Variants in ACSM1 observed in about 807,000 individuals in gnomAD.
The protein encoded by ACSM1 is acyl-coenzyme A synthetase ACSM1, mitochondrial.
ACSM1 carries 79 observed loss-of-function variants against 75.8 expected under a neutral mutation model. The observed-to-expected ratio is 1.04, with a 90% CI of 0.87 to 1.26. The LOEUF is 1.26. Among genes scored for constraint, ACSM1 ranks in the 50% most tolerant of loss-of-function variants. The pLI is 0.00. For missense variants in ACSM1, 676 were observed against 720.1 expected (o/e 0.94, Z 0.70); for synonymous variants, 279 against 265.8 (o/e 1.05, Z -0.48).
intron 1 of ACSM1, among the ~76,000 whole-genome samples, chr16:20,694,519 G>A (rs2079679515): frequency 6.6e-6 from 1 of 152,118 alleles, no homozygotes; most frequent in South Asian, 2.1e-4. Flanking sequence ...GCTTAGTTTG[G>A]GTGAGAATAT....
At chr16:20,660,801 A>T (rs540245355) in intron 7 of ACSM1, among the ~76,000 whole-genome samples, 18 of 152,338 alleles carry the variant, frequency 1.2e-4, no homozygotes, top group African/African-American at 4.1e-4. Context: ...AATATCCATA[A>T]GTTTCAAAGA....
chr16:20,661,797 G>A lies in ACSM1; in HGVS notation c.989C>T (p.Thr330Ile). Residue 330 changes from threonine to isoleucine, a missense_variant, in exon 7 of 14, where the codon ACC becomes ATC. Coordinates refer to ENST00000520010, the MANE Select transcript of ACSM1 (RefSeq NM_001318890.3). ...TTACAAGCCACTTCTACCATACCTG[G>A]TGAAATCCTGCTGCAGAATCATTCG... is the stretch of plus-strand genomic sequence containing the variant. ...IYRMILQQDF[T>I]SIRFPALEHC... The A allele has an allele frequency of 6.2e-7, 1 of 1,606,988 alleles. No homozygotes were observed. Among genetic ancestry groups the A allele is most frequent in the East Asian group, 2.2e-5 (1 of 44,714 alleles).
chr16:20,640,628 C>T (rs761301535), intron 7 of ACSM1, 44 bp from the exon 8 acceptor site: 1 of 1,613,420 alleles, frequency 6.2e-7, no homozygotes, highest in Admixed American at 1.7e-5. Flanking sequence ...GCCACCCTGG[C>T]TCTGTGCATT....
At chr16:20,667,727 T>C (rs2019650057) in intron 6 of ACSM1, among the ~76,000 whole-genome samples, 1 of 152,244 alleles carries the variant, frequency 6.6e-6, no homozygotes, top group Admixed American at 6.5e-5. Flanking sequence ...CTATTCACAA[T>C]AGCAAAGACA....
At chr16:20,683,826 C>G (rs1464954788) in intron 3 of ACSM1, among the ~76,000 whole-genome samples, 1 of 151,924 alleles carries the variant, frequency 6.6e-6, no homozygotes, top group Non-Finnish European at 1.5e-5. Context: ...CCTCAGCCTC[C>G]CAAAGTGCTG....
At chr16:20,674,415 T>C in intron 4 of ACSM1, 1 of 199,262 alleles carries the variant, frequency 5.0e-6, no homozygotes, top group South Asian at 7.1e-5. Context: ...CTCACTTCTG[T>C]AATATGCTTC....
chr16:20,641,178 C>T (rs1028324503), intron 7 of ACSM1, among the ~76,000 whole-genome samples: 2 of 152,098 alleles, frequency 1.3e-5, no homozygotes, highest in Non-Finnish European at 2.9e-5. Context: ...ACAGAAAAGG[C>T]TGATGTGAAC....
At chr16:20,631,062 C>T (rs1333763285) in intron 10 of ACSM1, among the ~76,000 whole-genome samples, 1 of 152,190 alleles carries the variant, frequency 6.6e-6, no homozygotes, top group Non-Finnish European at 1.5e-5. Flanking sequence ...ACTGTCTTAG[C>T]CCATTCAGGC....
intron 4 of ACSM1, among the ~76,000 whole-genome samples, chr16:20,678,985 C>G (rs796227544): frequency 6.6e-6 from 1 of 152,056 alleles, no homozygotes; most frequent in South Asian, 2.1e-4. Flanking sequence ...TAAGTATGGC[C>G]ATGCAAAAAT....
intron 11 of ACSM1, 106 bp downstream of exon 11, chr16:20,627,083 G>T (rs1321813810): frequency 1.4e-6 from 2 of 1,413,972 alleles, no homozygotes; most frequent in Admixed American, 2.7e-5. Flanking sequence ...GCTCTATTCA[G>T]ATTTAGGCTG....
At chr16:20,631,686 TAA>T (rs1399199028) in intron 10 of ACSM1, among the ~76,000 whole-genome samples, 1 of 152,148 alleles carries the variant, frequency 6.6e-6, no homozygotes, top group Admixed American at 6.5e-5. Flanking sequence ...TATTAAGCCA[TAA>T]AAAGCTGTGA....
At chr16:20,650,232 T>G (rs2018574017) in intron 7 of ACSM1, among the ~76,000 whole-genome samples, 1 of 152,164 alleles carries the variant, frequency 6.6e-6, no homozygotes, top group African/African-American at 2.4e-5. Context: ...CTGCTAAAAT[T>G]TATCTTGATT....
At chr16:20,642,825 ATC>A (rs2152221536) in intron 7 of ACSM1, among the ~76,000 whole-genome samples, 1 of 152,360 alleles carries the variant, frequency 6.6e-6, no homozygotes, top group East Asian at 1.9e-4. Context: ...TGTTTCCAAA[ATC>A]CACCTACAAA....
chr16:20,628,269 C>T (rs1447150458), intron 10 of ACSM1, among the ~76,000 whole-genome samples: 1 of 152,092 alleles, frequency 6.6e-6, no homozygotes, highest in East Asian at 1.9e-4. Flanking sequence ...GACCTTGATA[C>T]AATCCACCAG....
At chr16:20,660,316 C>T (rs779552813) in intron 7 of ACSM1, among the ~76,000 whole-genome samples, 5 of 152,178 alleles carry the variant, frequency 3.3e-5, no homozygotes, top group Non-Finnish European at 5.9e-5. Context: ...CTGGATGCAT[C>T]TAGCATGAGG....
intron 6 of ACSM1, among the ~76,000 whole-genome samples, chr16:20,668,712 AC>A (rs1372880120): frequency 2.0e-5 from 3 of 152,184 alleles, no homozygotes; most frequent in African/African-American, 7.2e-5. Context: ...GTAAGGGCAG[AC>A]CACTGGAGCA....
chr16:20,673,052 A>G (rs570454128), intron 4 of ACSM1, among the ~76,000 whole-genome samples: 2 of 146,018 alleles, frequency 1.4e-5, no homozygotes, highest in South Asian at 4.2e-4. Flanking sequence ...TCATATATAC[A>G]TATAATTATA....
At chr16:20,661,657 T>C in intron 7 of ACSM1, 137 bp downstream of exon 7, 5 of 541,260 alleles carry the variant, frequency 9.2e-6, no homozygotes, top group Middle Eastern at 2.8e-4. Context: ...AATTAACTTT[T>C]GATCATCATC....
chr16:20,664,717 C>T (rs1015312928), intron 6 of ACSM1, among the ~76,000 whole-genome samples: 5 of 152,238 alleles, frequency 3.3e-5, no homozygotes, highest in South Asian at 2.1e-4. Flanking sequence ...CTTGTTCCCA[C>T]GTGGAACATA....
Sources: allele counts gnomAD v4.1 joint callset (sites outside exome capture counted in the v4.1 genomes callset), GRCh38; gene constraint gnomAD v4.1.1; transcripts MANE v1.5; gene names NCBI Gene and HGNC (gene_info 2026-07-23, HGNC 2026-07-21).